The following SNX3 variants were observed in gnomAD, a reference collection of about 807,000 sequenced individuals.
SNX3 encodes sorting nexin 3, also known as sorting nexin-3.
A neutral mutation model predicts 17.7 loss-of-function variants in SNX3; 5 were observed. The ratio of observed to expected loss-of-function variants is 0.28; its 90% CI spans 0.15 to 0.59. The LOEUF (loss-of-function observed/expected upper bound fraction) is 0.59, where lower values mean the gene tolerates loss of function less well. Among genes scored for constraint, SNX3 ranks in the 20% least tolerant of loss-of-function variants. The pLI, the probability that SNX3 is intolerant of heterozygous loss-of-function variation, is 0.88. For synonymous variants in SNX3, 91 were observed against 76.5 expected (o/e 1.19, Z -0.99); for missense variants, 132 against 206.8 (o/e 0.64, Z 2.22).
At chr6:108,260,137 T>C (rs1196096146) in intron 1 of SNX3, among the ~76,000 whole-genome samples, 2 of 152,228 alleles carry the variant, frequency 1.3e-5, no homozygotes, top group African/African-American at 2.4e-5. Flanking sequence ...GATTATGAGG[T>C]AGGTGACACC....
chr6:108,247,473 TC>T lies in SNX3; in HGVS notation c.162+13286del, dbSNP rs530956951. Among the ~76,000 whole-genome samples the T allele has an allele frequency of 2.4e-3, 371 of 152,020 alleles. 3 individuals carry two copies. The highest frequency in any genetic ancestry group is 8.7e-3 in the African/African-American group (359 of 41,482). On this transcript the variant is annotated intron_variant, in intron 1 of 3. Coordinates refer to ENST00000230085, the MANE Select transcript of SNX3 (RefSeq NM_003795.6). ...GCCTCAACCACTTGGGCTCAAGTGA[TC>T]CTTCTACCTCAGCCTCCTAAGTAGC...
rs1429260243 is a variant in SNX3, at chr6:108,212,170, T to C, written c.468A>G (p.Pro156=). The change falls in exon 4 of 4, where the codon CCA becomes CCG. Residue 156 remains proline, a synonymous_variant. Transcript: ENST00000230085. ...AATTTCAGGCATGTCTTATTTTAGA[T>C]GGAGTATAGCTTTTATCTATTATTT... ...QDEIIDKSYT[P]SKIRHA 1.2e-6 allele frequency: 2 copies of C among 1,602,892 alleles called. No homozygotes were observed. The highest frequency in any genetic ancestry group is 3.5e-5 in the Admixed American group (2 of 57,822).
At chr6:108,223,135 A>T (rs56401328) in intron 1 of SNX3, 90 bp from the exon 2 acceptor site, 11 of 681,676 alleles carry the variant, frequency 1.6e-5, no homozygotes, top group Admixed American at 5.7e-5. Context: ...AAAAGAAATC[A>T]TGACTTTCTT....
intron 1 of SNX3, among the ~76,000 whole-genome samples, chr6:108,230,711 C>T (rs1775119871): frequency 6.6e-6 from 1 of 152,160 alleles, no homozygotes; most frequent in Admixed American, 6.6e-5. Flanking sequence ...CTCAAATAAT[C>T]TGGATAGCTC....
At chr6:108,240,487 G>A (rs1216695905) in intron 1 of SNX3, among the ~76,000 whole-genome samples, 4 of 152,114 alleles carry the variant, frequency 2.6e-5, no homozygotes, top group Admixed American at 6.5e-5. Flanking sequence ...CCAAAGTGTT[G>A]GGATTACAGG....
chr6:108,249,204 T>C (rs534983533), intron 1 of SNX3, among the ~76,000 whole-genome samples: 2 of 152,118 alleles, frequency 1.3e-5, no homozygotes, highest in Non-Finnish European at 2.9e-5. Context: ...TTAAAACACA[T>C]ACACACACAA....
At chr6:108,228,796 A>G (rs1303822384) in intron 1 of SNX3, among the ~76,000 whole-genome samples, 1 of 152,200 alleles carries the variant, frequency 6.6e-6, no homozygotes, top group Admixed American at 6.5e-5. Flanking sequence ...AATCCTACAA[A>G]TATTTCCACA....
chr6:108,239,296 G>C (rs1386878399), intron 1 of SNX3, among the ~76,000 whole-genome samples: 1 of 152,060 alleles, frequency 6.6e-6, no homozygotes, highest in East Asian at 1.9e-4. Flanking sequence ...CTCATTAACA[G>C]TACGATCATG....
At chr6:108,251,664 T>G (rs568272009) in intron 1 of SNX3, among the ~76,000 whole-genome samples, 1 of 152,346 alleles carries the variant, frequency 6.6e-6, no homozygotes, top group Admixed American at 6.5e-5. Flanking sequence ...CCTCTTTATC[T>G]GAGAACAGCC....
intron 1 of SNX3, among the ~76,000 whole-genome samples, chr6:108,236,219 C>T (rs1399259466): frequency 1.3e-5 from 2 of 151,358 alleles, no homozygotes; most frequent in African/African-American, 4.9e-5. Flanking sequence ...CACGATGGTT[C>T]GTGCCTGTAA....
chr6:108,231,513 A>G (rs949465802), intron 1 of SNX3, among the ~76,000 whole-genome samples: 3 of 152,224 alleles, frequency 2.0e-5, no homozygotes, highest in Admixed American at 6.5e-5. Context: ...CCTCATGACC[A>G]GCTTTGTTTT....
chr6:108,237,525 C>T (rs1157801745), intron 1 of SNX3, among the ~76,000 whole-genome samples: 2 of 152,174 alleles, frequency 1.3e-5, no homozygotes, highest in Non-Finnish European at 2.9e-5. Context: ...GTGGCTCACG[C>T]CTGTAATCTC....
At chr6:108,236,684 G>A (rs571784034) in intron 1 of SNX3, among the ~76,000 whole-genome samples, 13 of 152,010 alleles carry the variant, frequency 8.6e-5, no homozygotes, top group African/African-American at 3.1e-4. Context: ...CACCGTGCCC[G>A]GCTTCCACCT....
intron 2 of SNX3, among the ~76,000 whole-genome samples, chr6:108,219,167 G>A (rs546430132): frequency 5.7e-4 from 87 of 151,352 alleles, no homozygotes; most frequent in African/African-American, 1.9e-3. Context: ...TTGCTAACAC[G>A]GTGAAACCCC....
At chr6:108,215,933 A>T (rs2114705594) in intron 2 of SNX3, among the ~76,000 whole-genome samples, 1 of 152,308 alleles carries the variant, frequency 6.6e-6, no homozygotes, top group Middle Eastern at 3.4e-3. Context: ...TCTTAAAAAA[A>T]AAATAAATTT....
At chr6:108,234,290 C>T (rs1271721999) in intron 1 of SNX3, among the ~76,000 whole-genome samples, 4 of 151,894 alleles carry the variant, frequency 2.6e-5, no homozygotes, top group East Asian at 1.9e-4. Context: ...CAGTGGCTCA[C>T]GCCTGTAATC....
At chr6:108,220,853 T>C (rs1448506252) in intron 2 of SNX3, among the ~76,000 whole-genome samples, 1 of 151,686 alleles carries the variant, frequency 6.6e-6, no homozygotes, top group African/African-American at 2.4e-5. Flanking sequence ...TGGTGGTGGG[T>C]GCCTGTAATC....
intron 1 of SNX3, among the ~76,000 whole-genome samples, chr6:108,229,306 A>C (rs545007840): frequency 6.6e-6 from 1 of 151,774 alleles, no homozygotes; most frequent in Non-Finnish European, 1.5e-5. Context: ...ATTATATAGC[A>C]TAATACCATT....
At position 108,247,707 on chromosome 6, in the gene SNX3, GA is replaced by G; in HGVS notation, c.162+13052del. On this transcript the variant is annotated intron_variant, in intron 1 of 3. Coordinates refer to ENST00000230085, the MANE Select transcript of SNX3 (RefSeq NM_003795.6). ...TATCATTTGTTTTAACTGGAAATAA[GA>G]GTAATTACAGTTTGTAAGAAAATGC... is the stretch of plus-strand genomic sequence containing the variant. Among the ~76,000 whole-genome samples, 4 of 152,164 alleles carry G rather than the reference GA, an allele frequency of 2.6e-5. No homozygotes were observed. The South Asian group carries it at 8.3e-4, about 32-fold the overall frequency.
Sources: allele counts gnomAD v4.1 joint callset (sites outside exome capture counted in the v4.1 genomes callset), GRCh38; gene constraint gnomAD v4.1.1; transcripts MANE v1.5; gene names NCBI Gene and HGNC (gene_info 2026-07-23, HGNC 2026-07-21).